Variants in ZNF385D observed in about 807,000 individuals in gnomAD.
ZNF385D encodes the protein zinc finger protein 659.
A neutral mutation model predicts 35.8 loss-of-function variants in ZNF385D; 15 were observed. The ratio of observed to expected loss-of-function variants is 0.42; its 90% CI spans 0.28 to 0.64. The LOEUF (loss-of-function observed/expected upper bound fraction) is 0.64, where lower values mean the gene tolerates loss of function less well. Ranked by LOEUF, ZNF385D falls within the 30% of genes least tolerant of loss-of-function variation. The pLI is 0.23. For missense variants in ZNF385D, 474 were observed against 494.6 expected (o/e 0.96, Z 0.39); for synonymous variants, 212 against 186.8 (o/e 1.13, Z -1.10).
chr3:22,113,733 A>C (rs1702660503), intron 3 of ZNF385D, among the ~76,000 whole-genome samples: 1 of 151,998 alleles, frequency 6.6e-6, no homozygotes, highest in Non-Finnish European at 1.5e-5. Context: ...ATATAAAAGA[A>C]AGCTCACTTT....
At chr3:21,514,293 CTG>C (rs1315879737) in intron 3 of ZNF385D, among the ~76,000 whole-genome samples, 1 of 152,120 alleles carries the variant, frequency 6.6e-6, no homozygotes, top group African/African-American at 2.4e-5. Context: ...AAATAAGTAA[CTG>C]TACTAATTCA....
intron 2 of ZNF385D, among the ~76,000 whole-genome samples, chr3:22,293,839 A>C (rs1699287116): frequency 6.6e-6 from 1 of 152,102 alleles, no homozygotes; most frequent in Non-Finnish European, 1.5e-5. Flanking sequence ...AGGCCTAGTG[A>C]TCTGTTCCTG....
At chr3:22,127,245 TTTCTTCCTTCC>T (rs1177390030) in intron 3 of ZNF385D, among the ~76,000 whole-genome samples, 1 of 151,446 alleles carries the variant, frequency 6.6e-6, no homozygotes, top group Non-Finnish European at 1.5e-5. Flanking sequence ...TGGTTTTCAC[TTTCTTCCTTCC>T]TTCTGTCCTA....
At chr3:21,860,259 C>A (rs1384424555) in intron 3 of ZNF385D, among the ~76,000 whole-genome samples, 2 of 152,084 alleles carry the variant, frequency 1.3e-5, no homozygotes, top group Non-Finnish European at 2.9e-5. Context: ...ACTGTCATAA[C>A]TACTCAACTG....
rs886752467 is a variant in ZNF385D, at chr3:21,687,980, G to A, written c.23-22952C>T. On this transcript the variant is annotated intron_variant, in intron 1 of 7. Transcript: ENST00000281523. ...CACGGTCACAGCTTACTGCAAGCTC[G>A]AGCTCCTAAGCTCAAGGGATCCTGC... Among the ~76,000 whole-genome samples the A allele has an allele frequency of 9.2e-5, 14 of 152,022 alleles. No homozygotes were observed. The East Asian group carries it at 1.4e-3, about 15-fold the overall frequency.
At position 21,511,147 on chromosome 3, in the gene ZNF385D, C is replaced by A. The variant is rs1291313204; in HGVS notation, c.277-124G>T. The A allele has an allele frequency of 4.1e-6, 5 of 1,210,922 alleles. No individual in the cohort carries two copies. The East Asian group carries it at 1.3e-4, about 31-fold the overall frequency. 75.0% of individuals were successfully genotyped at this position (1,210,922 alleles called of 1,614,324 possible). ...CCATTCGAGCTAATTCTGGCCGTGG[C>A]CAGACAGTGGGGTTCTATTTAGAAT... On this transcript the variant is annotated intron_variant, in intron 3 of 7. Transcript: ENST00000281523.
At chr3:22,293,605 A>G (rs1419719516) in intron 2 of ZNF385D, among the ~76,000 whole-genome samples, 1 of 152,092 alleles carries the variant, frequency 6.6e-6, no homozygotes, top group African/African-American at 2.4e-5. Flanking sequence ...ATTTGACATC[A>G]CACATTATAT....
intron 3 of ZNF385D, among the ~76,000 whole-genome samples, chr3:21,517,127 T>C (rs1351801118): frequency 6.6e-6 from 1 of 152,030 alleles, no homozygotes; most frequent in Non-Finnish European, 1.5e-5. Flanking sequence ...TTACTGTTTA[T>C]GATCCTAAAT....
intron 3 of ZNF385D, among the ~76,000 whole-genome samples, chr3:21,934,362 A>G (rs1032055927): frequency 2.0e-5 from 3 of 152,212 alleles, no homozygotes; most frequent in African/African-American, 7.2e-5. Flanking sequence ...CTCCAAATAA[A>G]AACAATTTGC....
intron 3 of ZNF385D, among the ~76,000 whole-genome samples, chr3:21,955,718 T>C (rs1357374233): frequency 2.0e-5 from 3 of 152,178 alleles, no homozygotes; most frequent in Non-Finnish European, 4.4e-5. Flanking sequence ...GTATCTTCGA[T>C]TAACTCATTG....
rs372491203 is a variant in ZNF385D, at chr3:22,296,607, C to T, written c.106+75843G>A. Reference sequence around the variant, plus strand: ...ACAAAGAGAACTTTTGATGGCCTGCCTCAGTTTGAACACTGAGTTAGATAC... The same window carrying T: ...ACAAAGAGAACTTTTGATGGCCTGCTTCAGTTTGAACACTGAGTTAGATAC... On this transcript the variant is annotated intron_variant, in intron 2 of 5. Transcript: ENST00000494108. Among the ~76,000 whole-genome samples, 26 of 152,220 alleles carry T rather than the reference C, an allele frequency of 1.7e-4. 1 individual carries two copies. In the South Asian group the frequency reaches 5.0e-3, roughly 29 times the overall value.
At chr3:22,213,754 A>G (rs1020100904) in intron 2 of ZNF385D, among the ~76,000 whole-genome samples, 2 of 152,050 alleles carry the variant, frequency 1.3e-5, no homozygotes, top group Non-Finnish European at 2.9e-5. Context: ...AAGACATACT[A>G]TCTCATCAGC....
intron 3 of ZNF385D, chr3:21,958,927 A>G (rs1477221047): frequency 6.6e-6 from 1 of 152,196 alleles, no homozygotes; most frequent in Non-Finnish European, 1.5e-5. Flanking sequence ...ATGCCAGGTG[A>G]GAAAATATAA....
At chr3:22,279,538 A>G (rs1330300778) in intron 2 of ZNF385D, among the ~76,000 whole-genome samples, 1 of 143,966 alleles carries the variant, frequency 6.9e-6, no homozygotes, top group African/African-American at 2.6e-5. Context: ...ATGTACATAT[A>G]TATGTATATA....
At chr3:21,889,582 A>T (rs191023713) in intron 3 of ZNF385D, among the ~76,000 whole-genome samples, 1 of 152,140 alleles carries the variant, frequency 6.6e-6, no homozygotes, top group Non-Finnish European at 1.5e-5. Context: ...ATTGCCCCTT[A>T]ACTTTCTTCA....
intron 2 of ZNF385D, among the ~76,000 whole-genome samples, chr3:22,323,266 C>T (rs1410038193): frequency 6.6e-6 from 1 of 152,104 alleles, no homozygotes; most frequent in Non-Finnish European, 1.5e-5. Context: ...CCTTCCTGAC[C>T]CTGCCCACAG....
chr3:22,328,672 A>C (rs1361718573), intron 2 of ZNF385D, among the ~76,000 whole-genome samples: 1 of 151,976 alleles, frequency 6.6e-6, no homozygotes, highest in African/African-American at 2.4e-5. Context: ...CTGAGGCAGG[A>C]GAATCGCTTG....
chr3:21,547,211 C>G (rs1237867768), intron 3 of ZNF385D, among the ~76,000 whole-genome samples: 1 of 152,146 alleles, frequency 6.6e-6, no homozygotes, highest in Non-Finnish European at 1.5e-5. Context: ...TTTCCCAACC[C>G]TTAAACTGGT....
At chr3:21,885,724 C>T (rs1698504304) in intron 3 of ZNF385D, among the ~76,000 whole-genome samples, 1 of 129,848 alleles carries the variant, frequency 7.7e-6, no homozygotes, top group African/African-American at 2.9e-5. Flanking sequence ...GGAAATAGAA[C>T]AGGGTGTGTC....
Sources: allele counts gnomAD v4.1 joint callset (sites outside exome capture counted in the v4.1 genomes callset), GRCh38; gene constraint gnomAD v4.1.1; transcripts MANE v1.5; gene names NCBI Gene and HGNC (gene_info 2026-07-23, HGNC 2026-07-21).